The following P4HA2 variants were observed in gnomAD, a reference collection of about 807,000 sequenced individuals.
P4HA2 encodes prolyl 4-hydroxylase subunit alpha 2.
A neutral mutation model predicts 76.9 loss-of-function variants in P4HA2; 46 were observed. That is an observed-to-expected ratio of 0.60 (90% CI 0.47 to 0.76). The LOEUF (loss-of-function observed/expected upper bound fraction) is 0.76. Among genes scored for constraint, P4HA2 ranks in the 30% least tolerant of loss-of-function variants. The pLI is 0.00. For synonymous variants in P4HA2, 243 were observed against 254.0 expected (o/e 0.96, Z 0.41); for missense variants, 583 against 669.4 (o/e 0.87, Z 1.42).
intron 1 of P4HA2, among the ~76,000 whole-genome samples, chr5:132,220,598 T>C (rs1005492209): frequency 6.6e-6 from 1 of 152,226 alleles, no homozygotes; most frequent in Admixed American, 6.5e-5. Flanking sequence ...TTTCAAATCA[T>C]TCTGCTCCTA....
In P4HA2 at chr5:132,210,494, C is replaced by T. The variant is rs1752929980; in HGVS notation, c.499G>A (p.Asp167Asn). 1 of 1,614,014 alleles carries T rather than the reference C, an allele frequency of 6.2e-7. No individual in the cohort carries two copies. The highest frequency in any genetic ancestry group is 1.7e-5 in the Admixed American group (1 of 60,010). The change falls in exon 6 of 15, where the codon GAT becomes AAT. Residue 167 changes from aspartate to asparagine, a missense_variant. Physicochemically the swap from Asp to Asn is conservative, Grantham distance 23. Transcript: ENST00000360568. ...GTKYQAMLSV[D>N]DCFGMGRSAY... ...GAGCGGCCCATCCCAAAGCAGTCAT[C>T]CACACTCAGCATTGCCTGGTACTTG... is the stretch of plus-strand genomic sequence containing the variant.
At chr5:132,216,431 C>G (rs1009169101) in intron 4 of P4HA2, among the ~76,000 whole-genome samples, 2 of 152,052 alleles carry the variant, frequency 1.3e-5, no homozygotes, top group African/African-American at 4.8e-5. Context: ...TAAAAAGGTG[C>G]TGATAATTCA....
chr5:132,195,594 T>C, intron 12 of P4HA2, 114 bp from the exon 13 acceptor site: 1 of 770,034 alleles, frequency 1.3e-6, no homozygotes, highest in Non-Finnish European at 2.3e-6. Context: ...TGAGTGACAC[T>C]ACTTGGTGTC....
chr5:132,197,070 A>G (rs1337395170), intron 12 of P4HA2, among the ~76,000 whole-genome samples: 2 of 152,194 alleles, frequency 1.3e-5, no homozygotes, highest in Non-Finnish European at 2.9e-5. Flanking sequence ...TACTGCCTCT[A>G]TGCCTCTTTA....
intron 1 of P4HA2, among the ~76,000 whole-genome samples, chr5:132,224,452 T>C (rs1025916908): frequency 2.6e-5 from 4 of 152,232 alleles, no homozygotes; most frequent in Admixed American, 2.0e-4. Flanking sequence ...GAAACATCAG[T>C]GGACCTGAGG....
At chr5:132,217,985 C>A in intron 2 of P4HA2, 137 bp from the exon 3 acceptor site, 1 of 583,072 alleles carries the variant, frequency 1.7e-6, no homozygotes, top group Non-Finnish European at 3.1e-6. Flanking sequence ...ATTATGGGGA[C>A]TTGGAGTTAA....
intron 14 of P4HA2, among the ~76,000 whole-genome samples, chr5:132,194,269 C>G (rs555004672): frequency 6.6e-6 from 1 of 152,290 alleles, no homozygotes; most frequent in African/African-American, 2.4e-5. Flanking sequence ...AATTCAGCAA[C>G]TGCCTTGTTT....
At chr5:132,214,906 T>C (rs1228491795) in intron 4 of P4HA2, among the ~76,000 whole-genome samples, 1 of 152,122 alleles carries the variant, frequency 6.6e-6, no homozygotes, top group Non-Finnish European at 1.5e-5. Context: ...GCCCTAGCTG[T>C]AAAGTAAGAT....
intron 4 of P4HA2, among the ~76,000 whole-genome samples, chr5:132,216,634 G>T (rs990715387): frequency 1.3e-5 from 2 of 152,136 alleles, no homozygotes; most frequent in African/African-American, 4.8e-5. Flanking sequence ...GATATGCTTT[G>T]TTTGTAAAAC....
intron 4 of P4HA2, among the ~76,000 whole-genome samples, chr5:132,215,183 A>C (rs926581987): frequency 6.6e-6 from 1 of 152,120 alleles, no homozygotes; most frequent in Non-Finnish European, 1.5e-5. Context: ...AAGAGTTTAG[A>C]ATCTGGTGGG....
rs200901319 is a variant in P4HA2 at position 132,193,008 on chromosome 5, T to A, written c.*2A>T. ...CAGGAAGGGGAAGGACAGAAAAGGA[T>A]GTCAGTCAACTTCTGTTGATCCACA... On this transcript the variant is annotated 3_prime_UTR_variant, in exon 15 of 15. Transcript: ENST00000360568. The A allele has an allele frequency of 1.3e-6, 2 of 1,597,088 alleles. No homozygotes were observed. Among genetic ancestry groups the A allele is most frequent in the Non-Finnish European group, 1.7e-6 (2 of 1,164,438 alleles).
At chr5:132,210,237 T>C (rs764575486) in intron 6 of P4HA2, 47 bp downstream of exon 6, 3 of 1,608,286 alleles carry the variant, frequency 1.9e-6, no homozygotes, top group Non-Finnish European at 2.6e-6. Flanking sequence ...GTGCAGTTCC[T>C]CTGCCACTCT....
At chr5:132,204,776 G>A (rs746562181) in intron 8 of P4HA2, among the ~76,000 whole-genome samples, 3 of 152,206 alleles carry the variant, frequency 2.0e-5, no homozygotes, top group Non-Finnish European at 4.4e-5. Context: ...AAAAGATTCT[G>A]TAAGTTAAAA....
rs200779370 is a variant in P4HA2 at position 132,209,299 on chromosome 5, G to A, written c.742C>T (p.Arg248Trp). 37 of 1,613,832 alleles carry A rather than the reference G, an allele frequency of 2.3e-5. No homozygotes were observed. Among genetic ancestry groups the A allele is most frequent in the Admixed American group, 6.7e-5 (4 of 59,978 alleles). ...TCCTCCAATAACTGCTCAAAGTACC[G>A]CAGATTCCCTCCAGCTCGTTCGTGG... ...PSHERAGGNL[R>W]YFEQLLEEER... is the part of the protein sequence containing the mutation. Residue 248 changes from arginine to tryptophan, a missense_variant, in exon 7 of 15, where the codon CGG becomes TGG. Physicochemically the swap from Arg to Trp is moderately radical, Grantham distance 101 (BLOSUM62 -3). Transcript: ENST00000360568.
chr5:132,225,824 A>G (rs1755314977), intron 1 of P4HA2, among the ~76,000 whole-genome samples: 1 of 152,184 alleles, frequency 6.6e-6, no homozygotes, highest in Non-Finnish European at 1.5e-5. Flanking sequence ...TGCCACAGAC[A>G]ATGCCTCAGC....
rs1754128626 is a variant in P4HA2 at position 132,217,790 on chromosome 5, G to A, written c.141C>T (p.Tyr47=). The A allele has an allele frequency of 6.2e-7, 1 of 1,612,572 alleles. No individual in the cohort carries two copies. The highest frequency in any genetic ancestry group is 8.5e-7 in the Non-Finnish European group (1 of 1,178,684). ...AAAGCTTGGCTTCCTCCACAAGGAT[G>A]TACTCTTTCAGAGACTGCACCAGCT... ...EKELVQSLKE[Y]ILVEEAKLSK... is the part of the protein sequence containing the mutation. The change falls in exon 3 of 15, where the codon TAC becomes TAT. Residue 47 remains tyrosine, a synonymous_variant. Coordinates refer to ENST00000360568, the MANE Select transcript of P4HA2 (RefSeq NM_001017974.2).
chr5:132,219,310 A>T (rs79599881), intron 1 of P4HA2, among the ~76,000 whole-genome samples: 4 of 152,168 alleles, frequency 2.6e-5, no homozygotes, highest in African/African-American at 7.2e-5. Flanking sequence ...CACTGTTCTC[A>T]CTGGCCCGTC....
At chr5:132,204,228 C>A (rs963680229) in intron 8 of P4HA2, 76 bp from the exon 9 acceptor site, 10 of 1,190,336 alleles carry the variant, frequency 8.4e-6, no homozygotes, top group African/African-American at 1.5e-5. Context: ...CCAGAGAGCA[C>A]TGGGACCAGA....
chr5:132,224,625 T>A (rs1256450653), intron 1 of P4HA2, among the ~76,000 whole-genome samples: 1 of 152,230 alleles, frequency 6.6e-6, no homozygotes, highest in Non-Finnish European at 1.5e-5. Context: ...GAATCAGGTA[T>A]AATGTAGTAC....
Sources: gnomAD v4.1 joint callset for allele counts (sites outside exome capture counted in the v4.1 genomes callset) on GRCh38, gnomAD v4.1.1 for gene constraint, MANE v1.5 for transcripts, NCBI Gene and HGNC (gene_info 2026-07-23, HGNC 2026-07-21) for gene names.